The following PCDH15 variants were observed in gnomAD, a reference collection of about 807,000 sequenced individuals.
The protein encoded by PCDH15 is protocadherin-15.
Under a neutral mutation model 178.5 loss-of-function variants are expected in PCDH15, and 129 were observed. That is an observed-to-expected ratio of 0.72 (90% confidence interval 0.63 to 0.84). The LOEUF is 0.84. Among genes scored for constraint, PCDH15 ranks in the 40% least tolerant of loss-of-function variants. The pLI is 0.00. For synonymous variants in PCDH15, 800 were observed against 732.0 expected, an observed-to-expected ratio of 1.09 and a Z score of -1.50; for missense variants, 2,230 against 2,099.9, an observed-to-expected ratio of 1.06 and a Z score of -1.21.
chr10:55,580,866 A>C (rs1842600985), intron 2 of PCDH15, among the ~76,000 whole-genome samples: 3 of 152,190 alleles, frequency 2.0e-5, no homozygotes, highest in Non-Finnish European at 4.4e-5. Flanking sequence ...TGGCTGATTT[A>C]GTATAGGCCA....
At chr10:54,983,700 A>G (rs1307431251) in intron 2 of PCDH15, among the ~76,000 whole-genome samples, 1 of 152,158 alleles carries the variant, frequency 6.6e-6, no homozygotes, top group Non-Finnish European at 1.5e-5. Context: ...AATTGGGAAA[A>G]GTACTATTAA....
At chr10:54,154,403 CTTATAT>C (rs1564549236) in intron 13 of PCDH15, among the ~76,000 whole-genome samples, 1 of 152,002 alleles carries the variant, frequency 6.6e-6, no homozygotes, top group Non-Finnish European at 1.5e-5. Flanking sequence ...GTTTTATTTA[CTTATAT>C]TTATATTTTC....
intron 2 of PCDH15, among the ~76,000 whole-genome samples, chr10:55,474,691 T>C (rs1298985448): frequency 1.3e-5 from 2 of 152,184 alleles, no homozygotes; most frequent in African/African-American, 4.8e-5. Context: ...TCAAATCGGC[T>C]GGGAAGAGTT....
At position 53,807,169 on chromosome 10, in the gene PCDH15, T is replaced by TAAATTA. The variant is rs1450976203; in HGVS notation, c.4672-45_4672-40dup. ...CAAAAATATGTGAGTCACTATCAAATAAATTAAAAAGGCAATGATTACATT... is the reference window on the plus strand; with the variant it reads ...CAAAAATATGTGAGTCACTATCAAATAAATTAAAATTAAAAAGGCAATGATTACATT... On this transcript the variant is annotated intron_variant, in intron 37 of 37. Transcript: ENST00000644397. 16 of 1,482,486 alleles carry TAAATTA rather than the reference T, an allele frequency of 1.1e-5. No individual in the cohort carries two copies. In the African/African-American group the frequency reaches 2.2e-4, roughly 21 times the overall value. The allele number at this position is 1,482,486 out of a possible 1,614,324, so 91.8% of individuals were successfully genotyped here.
At chr10:54,380,412 A>G (rs1949033435) in intron 3 of PCDH15, among the ~76,000 whole-genome samples, 1 of 151,598 alleles carries the variant, frequency 6.6e-6, no homozygotes, top group Non-Finnish European at 1.5e-5. Context: ...TCAAGAATGT[A>G]TATATATTCA....
intron 1 of PCDH15, among the ~76,000 whole-genome samples, chr10:55,244,310 C>T (rs902671299): frequency 2.0e-5 from 3 of 151,684 alleles, no homozygotes; most frequent in African/African-American, 7.3e-5. Flanking sequence ...GAAATATTTG[C>T]CACCTTCTCT....
At chr10:54,190,198 C>G (rs1354436838) in intron 11 of PCDH15, among the ~76,000 whole-genome samples, 1 of 152,064 alleles carries the variant, frequency 6.6e-6, no homozygotes, top group Admixed American at 6.6e-5. Context: ...CCAAACTTGT[C>G]CCCTTCTTGG....
intron 2 of PCDH15, among the ~76,000 whole-genome samples, chr10:55,482,221 T>C (rs1236853993): frequency 2.0e-5 from 3 of 151,856 alleles, no homozygotes; most frequent in Admixed American, 6.6e-5. Context: ...TTTTGTGTCA[T>C]TGCATGAGAG....
intron 2 of PCDH15, among the ~76,000 whole-genome samples, chr10:54,659,376 T>G (rs71492627): frequency 2.8e-4 from 42 of 152,284 alleles, no homozygotes; most frequent in Non-Finnish European, 4.6e-4. Flanking sequence ...ACCAAATACT[T>G]GGACTTAAGG....
chr10:55,248,774 C>T (rs1007766211), intron 1 of PCDH15, among the ~76,000 whole-genome samples: 5 of 152,108 alleles, frequency 3.3e-5, no homozygotes, highest in African/African-American at 9.7e-5. Context: ...CCAGGCTGGT[C>T]TCCAACTCCT....
chr10:55,091,686 C>A (rs962755721), intron 2 of PCDH15, among the ~76,000 whole-genome samples: 1 of 151,798 alleles, frequency 6.6e-6, no homozygotes, highest in Non-Finnish European at 1.5e-5. Flanking sequence ...GTTATGCAGG[C>A]ATATCTACTC....
chr10:54,828,929 G>A (rs1249325229), intron 3 of PCDH15, among the ~76,000 whole-genome samples: 1 of 151,892 alleles, frequency 6.6e-6, no homozygotes, highest in Non-Finnish European at 1.5e-5. Context: ...ACACATTTTG[G>A]GAATCTGATG....
At chr10:53,821,912 G>T in intron 32 of PCDH15, 2 of 1,613,670 alleles carry the variant, frequency 1.2e-6, no homozygotes, top group South Asian at 1.1e-5. Flanking sequence ...CGACAATATT[G>T]TTCAAACTCC....
Position 55,102,815 on chromosome 10 carries a change from T to A in PCDH15, c.-80+63761A>T, listed in dbSNP as rs184487840. ...AACATTTGAATAACACATATTTTTG[T>A]GTTATATATGTTATATAATGTAGTC... On this transcript the variant is annotated intron_variant, in intron 2 of 5. Coordinates refer to the PCDH15 transcript ENST00000458638. Among the ~76,000 whole-genome samples, 4 of 147,008 alleles carry A rather than the reference T, an allele frequency of 2.7e-5. No homozygotes were observed. In the East Asian group the frequency reaches 7.7e-4, roughly 28 times the overall value.
chr10:55,330,441 C>G (rs1205778098), intron 2 of PCDH15, among the ~76,000 whole-genome samples: 4 of 151,766 alleles, frequency 2.6e-5, no homozygotes, highest in Non-Finnish European at 3.0e-5. Flanking sequence ...GATTCAGTGG[C>G]ACTGGCACTG....
chr10:54,731,606 T>G (rs1431207586), intron 1 of PCDH15, among the ~76,000 whole-genome samples: 1 of 112,950 alleles, frequency 8.9e-6, no homozygotes, highest in African/African-American at 3.4e-5. Flanking sequence ...ATATATATAG[T>G]TGAATATTGT....
At chr10:54,281,288 G>A (rs2058692171) in intron 8 of PCDH15, among the ~76,000 whole-genome samples, 1 of 151,858 alleles carries the variant, frequency 6.6e-6, no homozygotes, top group Non-Finnish European at 1.5e-5. Flanking sequence ...TTCCCTTGAT[G>A]TGAAAAATAA....
intron 22 of PCDH15, 80 bp downstream of exon 22, chr10:53,961,672 A>T (rs1267138936): frequency 4.8e-6 from 5 of 1,043,704 alleles, no homozygotes; most frequent in Non-Finnish European, 6.6e-6. Flanking sequence ...AAAGAAAAAA[A>T]TGTGCTGTCA....
intron 8 of PCDH15, among the ~76,000 whole-genome samples, chr10:54,273,373 G>GT (rs955392537): frequency 4.6e-5 from 4 of 86,286 alleles, no homozygotes; most frequent in African/African-American, 1.3e-4. Flanking sequence ...AAGTAGTACA[G>GT]TAAAAAAAAA....
Sources: gnomAD v4.1 joint callset for allele counts (sites outside exome capture counted in the v4.1 genomes callset) on GRCh38, gnomAD v4.1.1 for gene constraint, MANE v1.5 for transcripts, NCBI Gene and HGNC (gene_info 2026-07-23, HGNC 2026-07-21) for gene names.